Variants in GALNT13 observed in about 807,000 individuals in gnomAD.
GALNT13 encodes the protein UDP-GalNAc:polypeptide N-acetylgalactosaminyltransferase 13.
A neutral mutation model predicts 64.2 loss-of-function variants in GALNT13; 28 were observed. That is an observed-to-expected ratio of 0.44 (90% CI 0.32 to 0.60). The LOEUF is 0.60. Among genes scored for constraint, GALNT13 ranks in the 20% least tolerant of loss-of-function variants. The pLI is 0.05. For missense variants in GALNT13, 577 were observed against 669.8 expected, an observed-to-expected ratio of 0.86 and a Z score of 1.53; for synonymous variants, 214 against 224.6, an observed-to-expected ratio of 0.95 and a Z score of 0.42.
chr2:153,679,012 C>T, the GALNT13 span, among the ~76,000 whole-genome samples: 1 of 151,984 alleles, frequency 6.6e-6, no homozygotes, highest in Admixed American at 6.6e-5. Flanking sequence ...GGGCCAGGAG[C>T]ATGAGCAGTC....
chr2:154,145,119 T>TATATATATATACAC lies in GALNT13; in HGVS notation c.311+4615_311+4616insTATATATATACACA, dbSNP rs1444821982. ...ATCTATCTATATATATATATATATA[T>TATATATATATACAC]ACACACACTAAAAATTTACATATAA... On this transcript the variant is annotated intron_variant, in intron 4 of 12. Coordinates refer to ENST00000392825, the MANE Select transcript of GALNT13 (RefSeq NM_052917.4). Among the ~76,000 whole-genome samples the TATATATATATACAC allele has an allele frequency of 8.7e-5, 12 of 137,274 alleles. No homozygotes were observed. In the East Asian group the frequency reaches 1.7e-3, roughly 20 times the overall value. 90.1% of individuals were successfully genotyped at this position (137,274 alleles called of 152,430 possible).
the GALNT13 span, among the ~76,000 whole-genome samples, chr2:153,411,177 ATAT>A: frequency 4.7e-3 from 534 of 112,594 alleles, 1 homozygote; most frequent in Admixed American, 8.5e-3. Flanking sequence ...ATATATATAT[ATAT>A]TTTTTTTTTT....
intron 2 of GALNT13, among the ~76,000 whole-genome samples, chr2:153,920,886 A>T (rs1200440634): frequency 2.0e-5 from 3 of 152,156 alleles, no homozygotes; most frequent in African/African-American, 7.2e-5. Context: ...GCTCAACATC[A>T]CTGATCATTT....
At chr2:153,112,597 A>G in the GALNT13 span, among the ~76,000 whole-genome samples, 62 of 152,222 alleles carry the variant, frequency 4.1e-4, no homozygotes, top group Non-Finnish European at 8.4e-4. Context: ...GACCATGTTA[A>G]TCTTCTGTTC....
chr2:153,981,412 T>C (rs1393399948), intron 3 of GALNT13, among the ~76,000 whole-genome samples: 1 of 152,030 alleles, frequency 6.6e-6, no homozygotes, highest in Non-Finnish European at 1.5e-5. Flanking sequence ...TTCCCCTTCC[T>C]GTGTCCAGAT....
At chr2:153,544,161 T>G in the GALNT13 span, among the ~76,000 whole-genome samples, 10 of 152,358 alleles carry the variant, frequency 6.6e-5, no homozygotes, top group Non-Finnish European at 1.3e-4. Context: ...ATGTATGATT[T>G]CTGGGTCATA....
intron 4 of GALNT13, among the ~76,000 whole-genome samples, chr2:154,167,253 C>A (rs1019503531): frequency 1.3e-5 from 2 of 152,174 alleles, no homozygotes; most frequent in Non-Finnish European, 2.9e-5. Flanking sequence ...CCTGCCATTG[C>A]AGAATTTATC....
the GALNT13 span, among the ~76,000 whole-genome samples, chr2:153,374,924 A>G: frequency 1.3e-5 from 2 of 152,182 alleles, no homozygotes; most frequent in African/African-American, 4.8e-5. Context: ...GACTAATGCT[A>G]GTGTTTTCCT....
the GALNT13 span, among the ~76,000 whole-genome samples, chr2:153,333,198 A>G: frequency 6.6e-6 from 1 of 152,228 alleles, no homozygotes; most frequent in Non-Finnish European, 1.5e-5. Context: ...TGGATTGGGA[A>G]AAATATCTGA....
At chr2:153,552,396 C>T in the GALNT13 span, among the ~76,000 whole-genome samples, 2 of 151,960 alleles carry the variant, frequency 1.3e-5, no homozygotes, top group Admixed American at 6.6e-5. Context: ...ATTGCAAGGA[C>T]GATGTTCTTG....
At chr2:153,112,981 A>G in the GALNT13 span, among the ~76,000 whole-genome samples, 1 of 152,112 alleles carries the variant, frequency 6.6e-6, no homozygotes, top group South Asian at 2.1e-4. Context: ...GAGATACTTC[A>G]CTAAAGTTTA....
the GALNT13 span, among the ~76,000 whole-genome samples, chr2:153,412,891 C>T: frequency 2.0e-5 from 3 of 152,140 alleles, no homozygotes; most frequent in Non-Finnish European, 4.4e-5. Flanking sequence ...CAAAAGGAGA[C>T]ATAACAGTCA....
At chr2:153,834,450 G>A in the GALNT13 span, among the ~76,000 whole-genome samples, 1 of 152,148 alleles carries the variant, frequency 6.6e-6, no homozygotes, top group Non-Finnish European at 1.5e-5. Context: ...GCAACCTGGA[G>A]AGCACAGGCT....
At chr2:153,945,753 G>A (rs1691688773) in intron 3 of GALNT13, among the ~76,000 whole-genome samples, 3 of 152,082 alleles carry the variant, frequency 2.0e-5, no homozygotes, top group African/African-American at 7.2e-5. Context: ...GACATGTTGA[G>A]TTTGCTTTAG....
intron 2 of GALNT13, among the ~76,000 whole-genome samples, chr2:153,919,985 A>G (rs1353812880): frequency 6.8e-6 from 1 of 146,934 alleles, no homozygotes; most frequent in Non-Finnish European, 1.5e-5. Flanking sequence ...ATACAGTTAT[A>G]TTATATATAT....
chr2:153,320,895 T>C, the GALNT13 span, among the ~76,000 whole-genome samples: 2 of 152,332 alleles, frequency 1.3e-5, no homozygotes, highest in East Asian at 1.9e-4. Flanking sequence ...TTTATATATC[T>C]TTTAACCCAT....
the GALNT13 span, among the ~76,000 whole-genome samples, chr2:153,169,228 A>T: frequency 1.3e-5 from 2 of 152,194 alleles, no homozygotes; most frequent in Admixed American, 6.5e-5. Context: ...TGACCTGAGA[A>T]TGGGACAGAA....
chr2:154,257,856 C>G (rs1376834258), intron 7 of GALNT13: 1 of 152,126 alleles, frequency 6.6e-6, no homozygotes, highest in Non-Finnish European at 1.5e-5. Context: ...TTTTAACAGC[C>G]TCACAGACTA....
At chr2:154,297,022 G>T (rs76462275) in intron 8 of GALNT13, among the ~76,000 whole-genome samples, 2,933 of 152,264 alleles carry the variant, frequency 0.019, 69 homozygotes, top group African/African-American at 0.059. Flanking sequence ...TGTGTGAAAA[G>T]GTATGTGGTA....
Sources: gnomAD v4.1 joint callset for allele counts (sites outside exome capture counted in the v4.1 genomes callset) on GRCh38, gnomAD v4.1.1 for gene constraint, MANE v1.5 for transcripts, NCBI Gene and HGNC (gene_info 2026-07-23, HGNC 2026-07-21) for gene names.